The following RIMBP2 variants were observed in gnomAD, a reference collection of about 807,000 sequenced individuals.
RIMBP2 encodes the protein RIMS-binding protein 2.
RIMBP2 carries 48 observed loss-of-function variants against 118.6 expected under a neutral mutation model. The ratio of observed to expected loss-of-function variants is 0.40; its 90% CI spans 0.32 to 0.51. RIMBP2 has a LOEUF of 0.51. RIMBP2 is among the 20% of genes least tolerant of loss of function. The probability of loss-of-function intolerance (pLI) is 0.41; values close to 1 mark genes in which losing one functional copy is unlikely to be tolerated. For synonymous variants in RIMBP2, 762 were observed against 742.9 expected, an observed-to-expected ratio of 1.03 and a Z score of -0.42; for missense variants, 1,551 against 1,768.3, an observed-to-expected ratio of 0.88 and a Z score of 2.20.
chr12:130,471,555 G>A (rs1225354035), intron 5 of RIMBP2, among the ~76,000 whole-genome samples: 1 of 152,130 alleles, frequency 6.6e-6, no homozygotes, highest in Non-Finnish European at 1.5e-5. Flanking sequence ...ACCCATGGAG[G>A]CCCCTCACTC....
At position 130,424,402 on chromosome 12, in the gene RIMBP2, G is replaced by A. The variant is rs2076629606; in HGVS notation, c.2869C>T (p.Leu957=). ...GTCAGCGTCCGCCGCCGGGCCAGCAGCGGCCTCGGGCCCCTCCTGCAGGGA... is the reference window on the plus strand; with the variant it reads ...GTCAGCGTCCGCCGCCGGGCCAGCAACGGCCTCGGGCCCCTCCTGCAGGGA... ...HCPCRRGPRP[L]LARRRTLTRQ... The change falls in exon 16 of 23, where the codon CTG becomes TTG. Residue 957 remains leucine, a synonymous_variant. Coordinates refer to ENST00000690449, the MANE Select transcript of RIMBP2 (RefSeq NM_001393629.1). This position sits in a 1 kb window ranked among gnomAD's most constrained non-coding sequence, Gnocchi z 9.8. The A allele has an allele frequency of 2.4e-6, 3 of 1,232,724 alleles. No individual in the cohort carries two copies. The highest frequency in any genetic ancestry group is 2.0e-6 in the Non-Finnish European group (2 of 988,204). The allele number at this position is 1,232,724 out of a possible 1,614,324, so 76.4% of individuals were successfully genotyped here. A position where few individuals can be genotyped will look rare whatever the true frequency, so the allele number is the denominator to read the frequency against.
In RIMBP2 at chr12:130,613,939, C is replaced by A. The variant is rs1267559327; in HGVS notation, c.-217+14383G>T. Among the ~76,000 whole-genome samples, 3 of 152,114 alleles carry A rather than the reference C, an allele frequency of 2.0e-5. No homozygotes were observed. In the East Asian group the frequency reaches 5.8e-4, roughly 29 times the overall value. The stretch of plus-strand genomic sequence containing the variant: ...AACAGCCACCATAGGACCCCAATGA[C>A]AGCAGAGAGGGAGGGAGGCAGGTCC... On this transcript the variant is annotated intron_variant, in intron 2 of 22. Coordinates refer to ENST00000690449, the MANE Select transcript of RIMBP2 (RefSeq NM_001393629.1).
chr12:130,415,910 A>G (rs938618822), intron 17 of RIMBP2, among the ~76,000 whole-genome samples: 1 of 152,134 alleles, frequency 6.6e-6, no homozygotes, highest in African/African-American at 2.4e-5. Flanking sequence ...ACACCAATAA[A>G]TTGTTCAAGC....
At chr12:130,449,887 C>T (rs1013291686) in intron 9 of RIMBP2, among the ~76,000 whole-genome samples, 2 of 152,054 alleles carry the variant, frequency 1.3e-5, no homozygotes, top group African/African-American at 4.8e-5. Context: ...AGGACCCCTC[C>T]TTGGAGCCCT....
At chr12:130,456,068 A>G (rs1207342051) in intron 7 of RIMBP2, among the ~76,000 whole-genome samples, 1 of 152,230 alleles carries the variant, frequency 6.6e-6, no homozygotes, top group Non-Finnish European at 1.5e-5. Context: ...ATGAGAAGGA[A>G]GGAAAAACAA....
chr12:130,437,670 C>G (rs1287184877), intron 12 of RIMBP2, among the ~76,000 whole-genome samples: 1 of 152,192 alleles, frequency 6.6e-6, no homozygotes, highest in East Asian at 1.9e-4. Context: ...CGTGGGCTTC[C>G]GACTGCTGGG....
chr12:130,573,406 CTG>C (rs141408961), intron 2 of RIMBP2, among the ~76,000 whole-genome samples: 4,962 of 149,476 alleles, frequency 0.033, 250 homozygotes, highest in African/African-American at 0.11. Flanking sequence ...GTGTGTGCGA[CTG>C]TGTGCGTGTG....
In RIMBP2 at chr12:130,644,489, A is replaced by T. The variant is rs2062760793; in HGVS notation, c.-351-16033T>A. ...CCAGTCTGGGAAGATTAACCATCACAAAGAATCTATATAAATGGGATGGGA... is the reference window on the plus strand; with the variant it reads ...CCAGTCTGGGAAGATTAACCATCACTAAGAATCTATATAAATGGGATGGGA... On this transcript the variant is annotated intron_variant, in intron 1 of 22. Transcript: ENST00000690449. Among the ~76,000 whole-genome samples the T allele has an allele frequency of 3.3e-5, 5 of 152,332 alleles. 1 individual carries two copies. The South Asian group carries it at 1.0e-3, about 32-fold the overall frequency.
At chr12:130,591,448 G>C (rs560158358) in intron 2 of RIMBP2, among the ~76,000 whole-genome samples, 1 of 152,308 alleles carries the variant, frequency 6.6e-6, no homozygotes, top group East Asian at 1.9e-4. Context: ...CTGTTTCCTA[G>C]GACTGCCTTG....
At chr12:130,401,609 G>A (rs185093658) in intron 21 of RIMBP2, among the ~76,000 whole-genome samples, 3 of 151,672 alleles carry the variant, frequency 2.0e-5, no homozygotes, top group East Asian at 2.0e-4. Flanking sequence ...TTCTCTCACC[G>A]GCTCCATTAT....
chr12:130,562,940 A>C lies in RIMBP2; in HGVS notation c.-216-45023T>G, dbSNP rs145252835. Among the ~76,000 whole-genome samples, 732 of 152,334 alleles carry C rather than the reference A, an allele frequency of 4.8e-3. 3 individuals carry two copies. The highest frequency in any genetic ancestry group is 0.017 in the African/African-American group (704 of 41,570). ...GGAGTAACTCACTGTGCATTTAATAAAATCTAAGCAGAAATCTCTGACAGC... is the reference window on the plus strand; with the variant it reads ...GGAGTAACTCACTGTGCATTTAATACAATCTAAGCAGAAATCTCTGACAGC... On this transcript the variant is annotated intron_variant, in intron 2 of 22. Transcript: ENST00000690449.
intron 2 of RIMBP2, among the ~76,000 whole-genome samples, chr12:130,595,359 C>A (rs532479195): frequency 1.3e-5 from 2 of 152,046 alleles, no homozygotes; most frequent in Non-Finnish European, 2.9e-5. Flanking sequence ...GAGATCGAGA[C>A]CATTCTGGCT....
chr12:130,535,636 C>T (rs12422777), intron 2 of RIMBP2, among the ~76,000 whole-genome samples: 15,985 of 149,914 alleles, frequency 0.11, 946 homozygotes, highest in East Asian at 0.2. Context: ...TATATATATA[C>T]ACATAGATAT....
intron 1 of RIMBP2, among the ~76,000 whole-genome samples, chr12:130,686,919 T>C (rs2065077438): frequency 1.3e-5 from 2 of 152,264 alleles, no homozygotes; most frequent in East Asian, 3.9e-4. Flanking sequence ...AGGCGGCTGT[T>C]TGCACCAACT....
intron 1 of RIMBP2, among the ~76,000 whole-genome samples, chr12:130,714,597 C>T (rs1048434573): frequency 6.6e-6 from 1 of 152,248 alleles, no homozygotes; most frequent in African/African-American, 2.4e-5. Context: ...TAGCCGCTGC[C>T]AGCGCCTTCC....
intron 1 of RIMBP2, among the ~76,000 whole-genome samples, chr12:130,664,608 C>A (rs964523308): frequency 1.3e-5 from 2 of 151,558 alleles, no homozygotes; most frequent in African/African-American, 4.9e-5. Flanking sequence ...CAGAGAAGCA[C>A]GGGCTCCTTC....
At chr12:130,411,587 C>A (rs2075720426) in intron 19 of RIMBP2, among the ~76,000 whole-genome samples, 1 of 152,168 alleles carries the variant, frequency 6.6e-6, no homozygotes, top group Non-Finnish European at 1.5e-5. Context: ...AATCAAGTTA[C>A]CGTTCCTTAA....
intron 1 of RIMBP2, among the ~76,000 whole-genome samples, chr12:130,654,641 G>T (rs1031762973): frequency 3.9e-5 from 6 of 152,194 alleles, no homozygotes; most frequent in Admixed American, 6.5e-5. Flanking sequence ...TTATAGCAAT[G>T]CCCCACTCCT....
In RIMBP2 at chr12:130,623,639, G is replaced by A. The variant is rs375785031; in HGVS notation, c.-217+4683C>T. On this transcript the variant is annotated intron_variant, in intron 2 of 22. Transcript: ENST00000690449. This position sits in a 1 kb window ranked among gnomAD's most constrained non-coding sequence, Gnocchi z 4.1. The stretch of plus-strand genomic sequence containing the variant: ...AAGCTGCCTCCCATAACCTCTTAGC[G>A]CTCAACTCCATGCACACCAAGCTGG... Among the ~76,000 whole-genome samples the A allele has an allele frequency of 1.8e-4, 28 of 152,076 alleles. No individual in the cohort carries two copies. Among genetic ancestry groups the A allele is most frequent in the South Asian group, 6.2e-4 (3 of 4,822 alleles).
Sources: gnomAD v4.1 joint callset for allele counts (sites outside exome capture counted in the v4.1 genomes callset) on GRCh38, gnomAD v4.1.1 for gene constraint, Gnocchi (gnomAD v3.1) non-coding constraint, MANE v1.5 for transcripts, NCBI Gene and HGNC (gene_info 2026-07-23, HGNC 2026-07-21) for gene names.